Variants in SENP1 observed in about 807,000 individuals in gnomAD.
The protein encoded by SENP1 is sentrin-specific protease 1.
A neutral mutation model predicts 93.0 loss-of-function variants in SENP1; 21 were observed. That is an observed-to-expected ratio of 0.23 (90% confidence interval 0.16 to 0.33). The LOEUF (loss-of-function observed/expected upper bound fraction) is 0.33. Among genes scored for constraint, SENP1 ranks in the 10% least tolerant of loss-of-function variants. The pLI is 1.00. For missense variants in SENP1, 591 were observed against 758.7 expected, an observed-to-expected ratio of 0.78 and a Z score of 2.60; for synonymous variants, 256 against 259.6, an observed-to-expected ratio of 0.99 and a Z score of 0.13.
At chr12:48,081,291 A>G (rs1944471150) in intron 6 of SENP1, 1 of 152,180 alleles carries the variant, frequency 6.6e-6, no homozygotes, top group Non-Finnish European at 1.5e-5. Flanking sequence ...ATTCAATAGC[A>G]TAAAAGGTAT....
rs888299505 is a variant in SENP1, at chr12:48,075,600, G to A, written c.553-807C>T. Reference sequence around the variant, plus strand: ...TCTCCAACATGTATTTATTTTTCCTGTAAGACCCAATACTACATTTAGTGA... The same window carrying A: ...TCTCCAACATGTATTTATTTTTCCTATAAGACCCAATACTACATTTAGTGA... On this transcript the variant is annotated intron_variant, in intron 6 of 17. Transcript: ENST00000549518. Among the ~76,000 whole-genome samples the A allele has an allele frequency of 7.2e-5, 11 of 152,270 alleles. No homozygotes were observed. The South Asian group carries it at 2.1e-3, about 29-fold the overall frequency.
At position 48,056,468 on chromosome 12, in the gene SENP1, A is replaced by AATTATTT. The variant is rs1565744051; in HGVS notation, c.1407+7241_1407+7242insAAATAAT. 1.6e-4 allele frequency among the ~76,000 whole-genome samples: 17 copies of AATTATTT among 104,820 alleles called. 1 individual carries two copies. Among genetic ancestry groups the AATTATTT allele is most frequent in the African/African-American group, 7.2e-4 (17 of 23,608 alleles). 68.8% of individuals were successfully genotyped at this position (104,820 alleles called of 152,430 possible). Reference sequence around the variant, plus strand: ...TTAATATATTACATATTACATATATAAATATATTATTTAATATATTACATA... The same window carrying AATTATTT: ...TTAATATATTACATATTACATATATAATTATTTAATATATTATTTAATATATTACATA... On this transcript the variant is annotated intron_variant, in intron 13 of 17. Transcript: ENST00000549518.
At chr12:48,105,039 T>A (rs1946389508) in intron 1 of SENP1, 1 of 185,130 alleles carries the variant, frequency 5.4e-6, no homozygotes, top group African/African-American at 2.3e-5. Context: ...CATGAGTCCT[T>A]AACACAAATT....
intron 9 of SENP1, among the ~76,000 whole-genome samples, chr12:48,068,939 G>A (rs550762791): frequency 1.2e-4 from 18 of 152,088 alleles, no homozygotes; most frequent in African/African-American, 4.3e-4. Context: ...GAACACCGGA[G>A]GTCAGGAGTT....
chr12:48,076,538 G>C (rs563340587), intron 6 of SENP1, among the ~76,000 whole-genome samples: 1 of 151,960 alleles, frequency 6.6e-6, no homozygotes, highest in South Asian at 2.1e-4. Flanking sequence ...CACCATGTTG[G>C]CCAGGCTGGT....
At chr12:48,097,910 A>T (rs1416068203) in intron 3 of SENP1, 84 bp downstream of exon 3, 1 of 1,220,412 alleles carries the variant, frequency 8.2e-7, no homozygotes, top group Non-Finnish European at 1.1e-6. Context: ...TGTATTTTTG[A>T]GTGTGGCATT....
chr12:48,065,449 G>A, intron 11 of SENP1, 147 bp downstream of exon 11: 1 of 642,010 alleles, frequency 1.6e-6, no homozygotes, highest in Non-Finnish European at 2.7e-6. Context: ...GACAGACCAA[G>A]AACATTTACG....
intron 9 of SENP1, among the ~76,000 whole-genome samples, chr12:48,070,441 C>T (rs1943610630): frequency 6.6e-6 from 1 of 152,132 alleles, no homozygotes; most frequent in African/African-American, 2.4e-5. Context: ...GTTTATCCTT[C>T]CCCTCAAGTA....
intron 2 of SENP1, chr12:48,099,013 C>T (rs1222326247): frequency 1.3e-5 from 2 of 152,066 alleles, no homozygotes; most frequent in African/African-American, 4.8e-5. Flanking sequence ...ATAAAAACAG[C>T]TTAATTTAAA....
intron 1 of SENP1, among the ~76,000 whole-genome samples, chr12:48,102,531 T>C (rs578025177): frequency 6.6e-6 from 1 of 151,464 alleles, no homozygotes; most frequent in South Asian, 2.1e-4. Context: ...TCTTGGTAGA[T>C]TTCCAAGAGG....
At chr12:48,075,979 C>T (rs1592385893) in intron 6 of SENP1, among the ~76,000 whole-genome samples, 1 of 152,116 alleles carries the variant, frequency 6.6e-6, no homozygotes, top group African/African-American at 2.4e-5. Context: ...GTGCTTAATG[C>T]GTTCCAAAAA....
chr12:48,057,936 TTCC>T (rs1160967841), intron 13 of SENP1, among the ~76,000 whole-genome samples: 1 of 132,260 alleles, frequency 7.6e-6, no homozygotes, highest in Non-Finnish European at 1.5e-5. Context: ...TTCATTTTAT[TTCC>T]TCTTTTTTTT....
Position 48,042,996 on chromosome 12 carries a change from T to C in SENP1, c.*2326A>G, listed in dbSNP as rs922014540. The C allele has an allele frequency of 2.0e-5, 3 of 152,108 alleles. No homozygotes were observed. The highest frequency in any genetic ancestry group is 4.4e-5 in the Non-Finnish European group (3 of 68,014). 9.4% of individuals were successfully genotyped at this position (152,108 alleles called of 1,614,324 possible). ...AAATGCAGAAATACCTTTTTTTTTTTCCTGGTCATCAAAGCCTACCCCTAA... is the reference window on the plus strand; with the variant it reads ...AAATGCAGAAATACCTTTTTTTTTTCCCTGGTCATCAAAGCCTACCCCTAA... On this transcript the variant is annotated 3_prime_UTR_variant, in exon 18 of 18. Transcript: ENST00000549518.
At chr12:48,101,385 T>C (rs1945924599) in intron 2 of SENP1, 84 bp downstream of exon 2, 1 of 1,059,418 alleles carries the variant, frequency 9.4e-7, no homozygotes, top group Non-Finnish European at 1.4e-6. Context: ...ATACAAATAC[T>C]GAAAATGTTA....
At chr12:48,045,475 CAACA>C (rs1296828674) in intron 17 of SENP1, 91 bp from the exon 18 acceptor site, 2 of 1,006,222 alleles carry the variant, frequency 2.0e-6, no homozygotes, top group Non-Finnish European at 3.1e-6. Flanking sequence ...GCAAGGTTTT[CAACA>C]AACAGTCTCA....
chr12:48,094,664 A>G (rs1437954639), intron 4 of SENP1, among the ~76,000 whole-genome samples: 2 of 152,152 alleles, frequency 1.3e-5, no homozygotes, highest in Admixed American at 6.6e-5. Flanking sequence ...TGGGTGACAG[A>G]GCGAGACTCC....
At chr12:48,083,140 A>G (rs1944604756) in intron 6 of SENP1, among the ~76,000 whole-genome samples, 1 of 152,180 alleles carries the variant, frequency 6.6e-6, no homozygotes, top group Non-Finnish European at 1.5e-5. Context: ...CCTGGGCTCA[A>G]GTGATCCACC....
intron 2 of SENP1, among the ~76,000 whole-genome samples, chr12:48,099,815 T>C (rs1251877703): frequency 6.6e-6 from 1 of 152,164 alleles, no homozygotes; most frequent in Non-Finnish European, 1.5e-5. Flanking sequence ...TCTCTAATAA[T>C]AATAATAATC....
chr12:48,097,780 C>G (rs528186889), intron 3 of SENP1: 1 of 409,638 alleles, frequency 2.4e-6, no homozygotes, highest in African/African-American at 2.0e-5. Flanking sequence ...CTAAAACGTA[C>G]TGTTCTCAAA....
Sources: gnomAD v4.1 joint callset for allele counts (sites outside exome capture counted in the v4.1 genomes callset) on GRCh38, gnomAD v4.1.1 for gene constraint, MANE v1.5 for transcripts, NCBI Gene and HGNC (gene_info 2026-07-23, HGNC 2026-07-21) for gene names.